The following BABAM2 variants were observed in gnomAD, a reference collection of about 807,000 sequenced individuals.
BABAM2 encodes the protein BRISC and BRCA1-A complex member 2.
A neutral mutation model predicts 54.7 loss-of-function variants in BABAM2; 31 were observed. The ratio of observed to expected loss-of-function variants is 0.57; its 90% CI spans 0.43 to 0.77. The LOEUF is 0.77. Ranked by LOEUF, BABAM2 falls within the 30% of genes least tolerant of loss-of-function variation. The pLI, the probability that BABAM2 is intolerant of heterozygous loss-of-function variation, is 0.00. For missense variants in BABAM2, 364 were observed against 455.8 expected (o/e 0.80, Z 1.83); for synonymous variants, 167 against 162.9 (o/e 1.03, Z -0.19).
At chr2:28,068,367 C>A (rs1218091228) in intron 6 of BABAM2, among the ~76,000 whole-genome samples, 1 of 152,128 alleles carries the variant, frequency 6.6e-6, no homozygotes, top group African/African-American at 2.4e-5. Flanking sequence ...ACATTTGTGA[C>A]CTCCCTTGGC....
chr2:28,033,223 C>T, intron 5 of BABAM2, among the ~76,000 whole-genome samples: 1 of 151,576 alleles, frequency 6.6e-6, no homozygotes, highest in East Asian at 1.9e-4. Context: ...TTTTATATTG[C>T]CACTATTATT....
intron 10 of BABAM2, among the ~76,000 whole-genome samples, chr2:28,247,082 A>G (rs2148085812): frequency 6.6e-6 from 1 of 152,328 alleles, no homozygotes; most frequent in South Asian, 2.1e-4. Flanking sequence ...CTTCAGAAAC[A>G]TAGAACCCCC....
intron 7 of BABAM2, among the ~76,000 whole-genome samples, chr2:28,137,084 G>T (rs1204620759): frequency 2.6e-5 from 4 of 151,346 alleles, no homozygotes; most frequent in African/African-American, 9.7e-5. Flanking sequence ...TAACTAACAG[G>T]TATAGATTTT....
intron 7 of BABAM2, among the ~76,000 whole-genome samples, chr2:28,141,960 A>G (rs1427362754): frequency 6.6e-6 from 1 of 152,196 alleles, no homozygotes; most frequent in African/African-American, 2.4e-5. Context: ...TTTAGTATCT[A>G]AAGTAATGGT....
At chr2:28,267,809 G>A (rs1366001468) in intron 10 of BABAM2, among the ~76,000 whole-genome samples, 3 of 152,184 alleles carry the variant, frequency 2.0e-5, no homozygotes, top group Non-Finnish European at 4.4e-5. Context: ...GGAAGGCTGG[G>A]AAATTTGTTT....
chr2:28,276,667 C>T (rs1425552644), intron 10 of BABAM2, among the ~76,000 whole-genome samples: 2 of 152,112 alleles, frequency 1.3e-5, no homozygotes, highest in Non-Finnish European at 2.9e-5. Flanking sequence ...CTTGGATGCC[C>T]CAGCACTAAG....
At chr2:28,140,507 A>G (rs1670947553) in intron 7 of BABAM2, among the ~76,000 whole-genome samples, 1 of 152,218 alleles carries the variant, frequency 6.6e-6, no homozygotes, top group Admixed American at 6.5e-5. Flanking sequence ...ATAGAACTGT[A>G]TATCACAAAG....
intron 7 of BABAM2, among the ~76,000 whole-genome samples, chr2:28,225,538 G>A (rs1268290749): frequency 6.6e-6 from 1 of 152,166 alleles, no homozygotes; most frequent in Admixed American, 6.5e-5. Flanking sequence ...TGTGAAAAGA[G>A]CATATATGAT....
At position 27,955,194 on chromosome 2, in the gene BABAM2, C is replaced by T. The variant is rs554345703; in HGVS notation, c.205+25286C>T. On this transcript the variant is annotated intron_variant, in intron 3 of 11. Coordinates refer to ENST00000379624, the MANE Select transcript of BABAM2 (RefSeq NM_199191.3). Reference sequence around the variant, plus strand: ...TAGTTGCCAGCCCAAGGGCTGATTTCCTGTCAGTTCCTGTGTGGTTTGCAC... The same window carrying T: ...TAGTTGCCAGCCCAAGGGCTGATTTTCTGTCAGTTCCTGTGTGGTTTGCAC... 3.3e-5 allele frequency among the ~76,000 whole-genome samples: 5 copies of T among 152,320 alleles called. No individual in the cohort carries two copies. In the East Asian group the frequency reaches 9.6e-4, roughly 29 times the overall value.
chr2:28,080,551 A>G (rs1248990628), intron 6 of BABAM2, among the ~76,000 whole-genome samples: 1 of 152,204 alleles, frequency 6.6e-6, no homozygotes, highest in East Asian at 1.9e-4. Flanking sequence ...TACTAGTCTG[A>G]TGATGGCTTT....
intron 5 of BABAM2, among the ~76,000 whole-genome samples, chr2:28,026,426 C>G (rs193095644): frequency 6.6e-6 from 1 of 151,990 alleles, no homozygotes; most frequent in South Asian, 2.1e-4. Flanking sequence ...GTTCATGTCC[C>G]TTGCAGGGAC....
At chr2:27,931,484 C>T (rs1000024551) in intron 3 of BABAM2, among the ~76,000 whole-genome samples, 12 of 152,212 alleles carry the variant, frequency 7.9e-5, no homozygotes, top group South Asian at 2.1e-4. Context: ...TGACTTCCTG[C>T]GCTGATACAT....
At chr2:28,268,058 G>A (rs1399528747) in intron 10 of BABAM2, among the ~76,000 whole-genome samples, 1 of 152,092 alleles carries the variant, frequency 6.6e-6, no homozygotes, top group African/African-American at 2.4e-5. Context: ...AAAAAAGCAA[G>A]TTCCAGGAGA....
At chr2:28,040,824 T>C (rs1355815638) in intron 5 of BABAM2, among the ~76,000 whole-genome samples, 1 of 152,230 alleles carries the variant, frequency 6.6e-6, no homozygotes, top group Non-Finnish European at 1.5e-5. Flanking sequence ...TAAACAAAAA[T>C]TTATATTAGT....
At chr2:27,986,576 T>G (rs1021868665) in intron 3 of BABAM2, among the ~76,000 whole-genome samples, 1 of 152,134 alleles carries the variant, frequency 6.6e-6, no homozygotes. Context: ...CACTGAAGTT[T>G]TAGCATGGAA....
intron 6 of BABAM2, among the ~76,000 whole-genome samples, chr2:28,097,930 A>G (rs766310319): frequency 2.0e-5 from 3 of 151,914 alleles, no homozygotes; most frequent in Admixed American, 6.6e-5. Flanking sequence ...TCTGAATTCT[A>G]TTTTGGGTTT....
At chr2:28,290,056 G>A (rs761652796) in intron 10 of BABAM2, among the ~76,000 whole-genome samples, 1 of 152,072 alleles carries the variant, frequency 6.6e-6, no homozygotes, top group Non-Finnish European at 1.5e-5. Context: ...ATGTGTGCAC[G>A]TTTTTGATCC....
Position 28,192,383 on chromosome 2 carries a change from C to T in BABAM2, c.681-44819C>T, listed in dbSNP as rs138375584. Among the ~76,000 whole-genome samples, 8 of 151,818 alleles carry T rather than the reference C, an allele frequency of 5.3e-5. No homozygotes were observed. The East Asian group carries it at 1.6e-3, about 30-fold the overall frequency. On this transcript the variant is annotated intron_variant, in intron 7 of 11. Coordinates refer to ENST00000379624, the MANE Select transcript of BABAM2 (RefSeq NM_199191.3). Reference sequence around the variant, plus strand: ...AGAGAAGCTGCACACCAACATGGCACATTTATACATACGTAAAAAACCTGC... The same window carrying T: ...AGAGAAGCTGCACACCAACATGGCATATTTATACATACGTAAAAAACCTGC...
upstream of BABAM2, chr2:27,890,485 A>T (rs1218588256): frequency 5.8e-6 from 4 of 689,442 alleles, no homozygotes; most frequent in Non-Finnish European, 4.9e-6. The surrounding 1 kb of genome is among the most constrained non-coding windows in gnomAD (Gnocchi z 4.8). Context: ...GACTGCCCGA[A>T]ATCACCCCGC....
Sources: gnomAD v4.1 joint callset for allele counts (sites outside exome capture counted in the v4.1 genomes callset) on GRCh38, gnomAD v4.1.1 for gene constraint, Gnocchi (gnomAD v3.1) non-coding constraint, MANE v1.5 for transcripts, NCBI Gene and HGNC (gene_info 2026-07-23, HGNC 2026-07-21) for gene names.